The following ADGRB1 variants were observed in gnomAD, a reference collection of about 807,000 sequenced individuals.
ADGRB1 encodes adhesion G protein-coupled receptor B1.
A neutral mutation model predicts 175.7 loss-of-function variants in ADGRB1; 36 were observed. That is an observed-to-expected ratio of 0.20 (90% CI 0.16 to 0.27). The LOEUF (loss-of-function observed/expected upper bound fraction) is 0.27, where lower values mean the gene tolerates loss of function less well. Ranked by LOEUF, ADGRB1 falls within the 10% of genes least tolerant of loss-of-function variation. ADGRB1 has a pLI of 1.00. For missense variants in ADGRB1, 1,731 were observed against 2,255.3 expected (o/e 0.77, Z 4.71); for synonymous variants, 1,054 against 979.4 (o/e 1.08, Z -1.42).
Position 142,464,101 on chromosome 8 carries a change from CCGGG to C in ADGRB1, c.-96_-93del. The C allele has an allele frequency of 1.2e-5, 12 of 1,021,806 alleles. No individual in the cohort carries two copies. Among genetic ancestry groups the C allele is most frequent in the East Asian group, 3.8e-5 (1 of 26,288 alleles). The allele number at this position is 1,021,806 out of a possible 1,614,324, so 63.3% of individuals were successfully genotyped here. On this transcript the variant is annotated 5_prime_UTR_variant, in exon 2 of 31. Transcript: ENST00000517894. ...CCCTTGCCCCGCCTCCCTGCCCCCA[CCGGG>C]CCGGCCCTGCCCGCCGCCGGACCCT...
intron 2 of ADGRB1, among the ~76,000 whole-genome samples, chr8:142,466,474 C>G (rs1030914527): frequency 1.3e-5 from 2 of 152,334 alleles, no homozygotes; most frequent in Admixed American, 6.5e-5. Flanking sequence ...AGGCTTGGCC[C>G]AGCCCTCCAG....
chr8:142,479,019 G>A (rs1841176842), intron 7 of ADGRB1: 1 of 343,826 alleles, frequency 2.9e-6, no homozygotes, highest in Admixed American at 4.5e-5. Flanking sequence ...GGGACTTGGG[G>A]TGTCTGTGGG....
At chr8:142,520,390 G>T (rs1167164146) in intron 19 of ADGRB1, among the ~76,000 whole-genome samples, 1 of 83,408 alleles carries the variant, frequency 1.2e-5, no homozygotes, top group African/African-American at 4.6e-5. Flanking sequence ...GGTGATGGTA[G>T]TGATTGTGAT....
intron 25 of ADGRB1, among the ~76,000 whole-genome samples, chr8:142,534,762 AC>A (rs1462747958): frequency 3.3e-5 from 5 of 152,060 alleles, no homozygotes; most frequent in African/African-American, 9.7e-5. Flanking sequence ...GGAAGGAGAA[AC>A]CTCAGTGGCC....
chr8:142,521,135 AGCTT>A (rs949897096), intron 20 of ADGRB1, among the ~76,000 whole-genome samples: 2 of 152,148 alleles, frequency 1.3e-5, no homozygotes, highest in African/African-American at 4.8e-5. Context: ...CAAGAAGGGC[AGCTT>A]GTGTTCCAGT....
intron 1 of ADGRB1, among the ~76,000 whole-genome samples, chr8:142,461,671 G>A (rs1369262176): frequency 1.3e-5 from 2 of 152,236 alleles, no homozygotes; most frequent in Non-Finnish European, 2.9e-5. Context: ...CAGGGCCTGG[G>A]ATGAGGAGGG....
intron 8 of ADGRB1, 90 bp from the exon 9 acceptor site, chr8:142,479,603 G>A: frequency 6.5e-7 from 1 of 1,548,928 alleles, no homozygotes; most frequent in Non-Finnish European, 8.7e-7. Flanking sequence ...TCCTCATAAT[G>A]ATGCCTGCTC....
chr8:142,539,659 A>C, intron 27 of ADGRB1: 1 of 577,832 alleles, frequency 1.7e-6, no homozygotes, highest in South Asian at 2.1e-5. Context: ...AGCTTCCAGA[A>C]CACTGCCCTG....
rs759330238 is a variant in ADGRB1 at position 142,474,962 on chromosome 8, G to T, written c.785-512G>T. On this transcript the variant is annotated intron_variant, in intron 2 of 30. Coordinates refer to ENST00000517894, the MANE Select transcript of ADGRB1 (RefSeq NM_001702.3). This position sits in a 1 kb window ranked among gnomAD's most constrained non-coding sequence, Gnocchi z 5.8. ...TGGTATACCTGCGTGGGGTGAAGAA[G>T]CGGCTCCAGGTCACAGCTGGGGTGT... is the stretch of plus-strand genomic sequence containing the variant. Among the ~76,000 whole-genome samples, 79 of 152,266 alleles carry T rather than the reference G, an allele frequency of 5.2e-4. No homozygotes were observed. Among genetic ancestry groups the T allele is most frequent in the Non-Finnish European group, 8.4e-4 (57 of 68,002 alleles).
At position 142,478,375 on chromosome 8, in the gene ADGRB1, A is replaced by C. The variant is rs1176888629; in HGVS notation, c.1561+15A>C. 1 of 1,583,466 alleles carries C rather than the reference A, an allele frequency of 6.3e-7. No individual in the cohort carries two copies. Among genetic ancestry groups the C allele is most frequent in the Admixed American group, 1.7e-5 (1 of 57,386 alleles). On this transcript the variant is annotated intron_variant, in intron 7 of 30. Coordinates refer to ENST00000517894, the MANE Select transcript of ADGRB1 (RefSeq NM_001702.3). The stretch of plus-strand genomic sequence containing the variant: ...GCAGTGCCCAGGTCAGGGGTGCGCC[A>C]GGCTGGGGTCGGGGGGCACCTAACA...
At chr8:142,483,194 C>T (rs1382234287) in intron 11 of ADGRB1, among the ~76,000 whole-genome samples, 2 of 133,528 alleles carry the variant, frequency 1.5e-5, no homozygotes, top group African/African-American at 2.9e-5. Context: ...TGAGCCCTGA[C>T]CCTGGTCACA....
intron 1 of ADGRB1, among the ~76,000 whole-genome samples, chr8:142,454,551 G>A (rs774271500): frequency 5.9e-5 from 9 of 152,176 alleles, no homozygotes; most frequent in African/African-American, 1.7e-4. Context: ...ACACAGCCTG[G>A]ATGTTCATGT....
At chr8:142,481,122 G>T (rs538472928) in intron 9 of ADGRB1, 132 bp from the exon 10 acceptor site, 2 of 764,576 alleles carry the variant, frequency 2.6e-6, no homozygotes, top group South Asian at 1.6e-5. Flanking sequence ...TGCTCTCGGC[G>T]TGAGGCCATG....
intron 16 of ADGRB1, among the ~76,000 whole-genome samples, chr8:142,489,865 G>A (rs1408691724): frequency 2.6e-5 from 4 of 152,180 alleles, no homozygotes; most frequent in South Asian, 2.1e-4. Context: ...ATTTCAGCAC[G>A]GGAGCGTCCC....
Position 142,481,636 on chromosome 8 carries a change from C to T in ADGRB1, c.2055C>T (p.Ser685=). The change falls in exon 11 of 31, where the codon TCC becomes TCT. Residue 685 remains serine (S), a synonymous_variant. Coordinates refer to ENST00000517894, the MANE Select transcript of ADGRB1 (RefSeq NM_001702.3). ...CCAGCTACAGTGGGGACCTGCTGTC[C>T]ACCATCGATGTCCTGAGGAACATGA... ...DGTSYSGDLL[S]TIDVLRNMTE... is the part of the protein sequence containing the mutation. 2 of 1,607,404 alleles carry T rather than the reference C, an allele frequency of 1.2e-6. No individual in the cohort carries two copies. Among genetic ancestry groups the T allele is most frequent in the Non-Finnish European group, 1.7e-6 (2 of 1,176,904 alleles).
chr8:142,520,361 T>C (rs1196680063), intron 19 of ADGRB1, among the ~76,000 whole-genome samples: 2 of 140,502 alleles, frequency 1.4e-5, no homozygotes, highest in Non-Finnish European at 3.1e-5. Context: ...TGTATGATGA[T>C]GGTGGTGATG....
At chr8:142,516,895 G>C (rs1326955405) in intron 18 of ADGRB1, among the ~76,000 whole-genome samples, 1 of 152,158 alleles carries the variant, frequency 6.6e-6, no homozygotes, top group Non-Finnish European at 1.5e-5. Context: ...GTCAGCCTGA[G>C]TCCCCTCCCC....
At chr8:142,534,735 G>C (rs1431345674) in intron 25 of ADGRB1, among the ~76,000 whole-genome samples, 1 of 152,220 alleles carries the variant, frequency 6.6e-6, no homozygotes, top group African/African-American at 2.4e-5. Flanking sequence ...AAACAGCGTG[G>C]GGACAGAGGC....
chr8:142,452,672 C>T (rs1839423572), intron 1 of ADGRB1, among the ~76,000 whole-genome samples: 2 of 152,198 alleles, frequency 1.3e-5, no homozygotes, highest in African/African-American at 4.8e-5. Flanking sequence ...ACCATCTGCG[C>T]TTGCGGACAC....
Sources: gnomAD v4.1 joint callset for allele counts (sites outside exome capture counted in the v4.1 genomes callset) on GRCh38, gnomAD v4.1.1 for gene constraint, Gnocchi (gnomAD v3.1) non-coding constraint, MANE v1.5 for transcripts, NCBI Gene and HGNC (gene_info 2026-07-23, HGNC 2026-07-21) for gene names.